Variants in C11orf71 observed in about 807,000 individuals in gnomAD.
C11orf71 encodes uncharacterized protein C11orf71.
For synonymous variants in C11orf71, 72 were observed against 73.4 expected, an observed-to-expected ratio of 0.98 and a Z score of 0.09; for missense variants, 179 against 167.6, an observed-to-expected ratio of 1.07 and a Z score of -0.38.
downstream of C11orf71, among the ~76,000 whole-genome samples, chr11:114,394,179 GTTTC>G (rs1946095582): frequency 1.2e-5 from 1 of 80,286 alleles, no homozygotes; most frequent in Non-Finnish European, 2.5e-5. Context: ...ACGGGGTTTC[GTTTC>G]TTTTCTTTTC....
rs371329809 is a variant in C11orf71, at chr11:114,399,761, C to A, written c.*199G>T. 1.5e-5 allele frequency: 12 copies of A among 808,966 alleles called. No individual in the cohort carries two copies. Among genetic ancestry groups the A allele is most frequent in the Non-Finnish European group, 2.2e-5 (12 of 541,300 alleles). The allele number at this position is 808,966 out of a possible 1,614,324, so 50.1% of individuals were successfully genotyped here. On this transcript the variant is annotated 3_prime_UTR_variant, in exon 1 of 1. Transcript: ENST00000623205. ...CCTTCCACACCTTTCCTGATCCAAT[C>A]GTTCTGGCTGCATAAAACCACCTAA... is the stretch of plus-strand genomic sequence containing the variant.
At chr11:114,394,227 T>C (rs866485753), downstream of C11orf71, among the ~76,000 whole-genome samples, 567 of 42,034 alleles carry the variant, frequency 0.013, 4 homozygotes, top group Non-Finnish European at 0.015. Flanking sequence ...TCTTTTCTTT[T>C]CTTTCTTTTC....
chr11:114,391,452 T>TTCTAG (rs1420014098), exon 2 of C11orf71: 2 of 524,244 alleles, frequency 3.8e-6, no homozygotes, highest in African/African-American at 3.9e-5. Context: ...ATTTTGGCAA[T>TTCTAG]TCTAGTTTTT....
downstream of C11orf71, among the ~76,000 whole-genome samples, chr11:114,394,224 T>TTTTC (rs143226739): frequency 1.3e-5 from 1 of 74,480 alleles, no homozygotes; most frequent in South Asian, 4.1e-4. Flanking sequence ...TTTTCTTTTC[T>TTTTC]TTTCTTTCTT....
At chr11:114,397,609 A>T (rs11214980), downstream of C11orf71, among the ~76,000 whole-genome samples, 13,808 of 152,212 alleles carry the variant, frequency 0.091, 779 homozygotes, top group East Asian at 0.19. Context: ...CCTATTCTTG[A>T]TGACCCCATT....
downstream of C11orf71, among the ~76,000 whole-genome samples, chr11:114,395,116 G>GC (rs1329356694): frequency 1.3e-5 from 2 of 151,914 alleles, no homozygotes; most frequent in Non-Finnish European, 2.9e-5. Flanking sequence ...TAGACATGTT[G>GC]CCTACCCTCA....
downstream of C11orf71, among the ~76,000 whole-genome samples, chr11:114,394,202 T>C (rs1295618193): frequency 2.3e-5 from 1 of 43,826 alleles, no homozygotes; most frequent in Admixed American, 2.6e-4. Flanking sequence ...TCTTTTCTTT[T>C]CTTTTCTTTT....
At chr11:114,394,072 C>T (rs1430016502), downstream of C11orf71, among the ~76,000 whole-genome samples, 12 of 151,784 alleles carry the variant, frequency 7.9e-5, no homozygotes, top group African/African-American at 2.7e-4. Context: ...CTCCGCCTCC[C>T]GGGTTCACGC....
rs187435473 is a variant in C11orf71 at position 114,399,621 on chromosome 11, C to A, written c.*339G>T. ...ATCAGTGTAATAAAAAGGAGCACTT[C>A]TTTTTCGCCAACAGAAGTAAAGGTA... On this transcript the variant is annotated 3_prime_UTR_variant, in exon 1 of 1. Transcript: ENST00000623205. 1.8e-3 allele frequency: 395 copies of A among 222,928 alleles called. 8 individuals are homozygous for A. In the Admixed American group the frequency reaches 0.018, roughly 10 times the overall value. The allele number at this position is 222,928 out of a possible 1,614,324, so 13.8% of individuals were successfully genotyped here. A position where few individuals can be genotyped will look rare whatever the true frequency, so the allele number is the denominator to read the frequency against.
chr11:114,400,288 C>T lies in C11orf71; in HGVS notation c.44G>A (p.Ser15Asn), dbSNP rs369588538. Residue 15 changes from serine to asparagine, a missense_variant, in exon 1 of 1, where the codon AGC (serine) becomes AAC (asparagine). Transcript: ENST00000623205. ...NVSLSSGDQR[S>N]RVAYRSSHGD... ...ATGGGAAGAGCGGTAGGCCACCCTG[C>T]TCCTCTGATCACCGGAGGACAGGGA... The T allele has an allele frequency of 4.3e-6, 7 of 1,610,148 alleles. No homozygotes were observed. The highest frequency in any genetic ancestry group is 5.9e-6 in the Non-Finnish European group (7 of 1,178,296).
At chr11:114,394,176 TTCG>T (rs1397238694), downstream of C11orf71, among the ~76,000 whole-genome samples, 2 of 73,934 alleles carry the variant, frequency 2.7e-5, 1 homozygote, top group Non-Finnish European at 4.8e-5. Flanking sequence ...GAGACGGGGT[TTCG>T]TTTCTTTTCT....
At chr11:114,391,669 A>G in intron 1 of C11orf71, 2 of 1,310,536 alleles carry the variant, frequency 1.5e-6, no homozygotes, top group Non-Finnish European at 2.1e-6. Context: ...GTAGTAACTA[A>G]AATACACAAA....
downstream of C11orf71, among the ~76,000 whole-genome samples, chr11:114,395,556 C>T (rs1232796585): frequency 6.6e-6 from 1 of 152,216 alleles, no homozygotes; most frequent in Admixed American, 6.5e-5. Context: ...GCAATATTTT[C>T]TTCCTCTGAT....
At chr11:114,394,188 C>A (rs1032370592), downstream of C11orf71, among the ~76,000 whole-genome samples, 3 of 47,466 alleles carry the variant, frequency 6.3e-5, 1 homozygote, top group African/African-American at 2.9e-4. Context: ...CGTTTCTTTT[C>A]TTTTCTTTTC....
rs1946163865 is a variant in C11orf71 at position 114,399,687 on chromosome 11, T to TG, written c.*272dup. ...AGTTAACGAATGGATTGTTGACCTCTGGGGAGGGTGCTCCCATCAGCTCAG... is the reference window on the plus strand; with the variant it reads ...AGTTAACGAATGGATTGTTGACCTCTGGGGGAGGGTGCTCCCATCAGCTCAG... On this transcript the variant is annotated 3_prime_UTR_variant, in exon 1 of 1. Transcript: ENST00000623205. The TG allele has an allele frequency of 2.4e-6, 1 of 420,816 alleles. No individual in the cohort carries two copies. The highest frequency in any genetic ancestry group is 2.0e-5 in the African/African-American group (1 of 49,992). The allele number at this position is 420,816 out of a possible 1,614,324, so 26.1% of individuals were successfully genotyped here. A position where few individuals can be genotyped will look rare whatever the true frequency, so the allele number is the denominator to read the frequency against.
At chr11:114,392,754 A>AATTG (rs1476196218) in intron 1 of C11orf71, among the ~76,000 whole-genome samples, 1 of 151,618 alleles carries the variant, frequency 6.6e-6, no homozygotes, top group East Asian at 1.9e-4. Context: ...AACAAAAAAA[A>AATTG]ATTGTACAAT....
downstream of C11orf71, among the ~76,000 whole-genome samples, chr11:114,396,216 G>A (rs74795691): frequency 5.6e-3 from 846 of 152,364 alleles, 8 homozygotes; most frequent in African/African-American, 0.02. Flanking sequence ...GAAGGCAGTA[G>A]TATGCAAAGA....
chr11:114,392,224 G>A (rs978827992), intron 1 of C11orf71, among the ~76,000 whole-genome samples: 2 of 152,010 alleles, frequency 1.3e-5, no homozygotes, highest in African/African-American at 2.4e-5. Flanking sequence ...GAAACATGGC[G>A]AAACCCCATC....
At chr11:114,394,483 T>C (rs1036031044), downstream of C11orf71, among the ~76,000 whole-genome samples, 12 of 151,798 alleles carry the variant, frequency 7.9e-5, no homozygotes, top group African/African-American at 2.2e-4. Context: ...TTAGTAGAGA[T>C]GGGGTTTCAC....
Sources: gnomAD v4.1 joint callset for allele counts (sites outside exome capture counted in the v4.1 genomes callset) on GRCh38, gnomAD v4.1.1 for gene constraint, MANE v1.5 for transcripts, NCBI Gene and HGNC (gene_info 2026-07-23, HGNC 2026-07-21) for gene names.